Variants in LONP1 observed in about 807,000 individuals in gnomAD.
LONP1 encodes lon protease homolog, mitochondrial.
A neutral mutation model predicts 98.5 loss-of-function variants in LONP1; 31 were observed. That is an observed-to-expected ratio of 0.31 (90% CI 0.24 to 0.42). The LOEUF is 0.42. Among genes scored for constraint, LONP1 ranks in the 20% least tolerant of loss-of-function variants. LONP1 has a pLI of 1.00. For synonymous variants in LONP1, 781 were observed against 594.7 expected (o/e 1.31, Z -4.56); for missense variants, 1,336 against 1,350.6 (o/e 0.99, Z 0.17).
At position 5,720,126 on chromosome 19, in the gene LONP1, C is replaced by T. The variant is rs1411051445; in HGVS notation, c.7G>A (p.Ala3Thr). The change falls in exon 1 of 18, where the codon GCG becomes ACG. Residue 3 changes from alanine to threonine, a missense_variant. Ala to Thr is a moderately conservative substitution (Grantham distance 58). Coordinates refer to ENST00000360614, the MANE Select transcript of LONP1 (RefSeq NM_004793.4). MAASTGYVRLWGA... is the reference protein window; with the variant it reads MATSTGYVRLWGA... The stretch of plus-strand genomic sequence containing the variant: ...CACAGTCGCACGTAGCCAGTGCTCG[C>T]CGCCATAGCCCGGCCATACTGGCGG... 6 of 1,415,066 alleles carry T rather than the reference C, an allele frequency of 4.2e-6. No homozygotes were observed. Among genetic ancestry groups the T allele is most frequent in the Non-Finnish European group, 3.7e-6 (4 of 1,092,922 alleles). 87.7% of individuals were successfully genotyped at this position (1,415,066 alleles called of 1,614,324 possible).
Position 5,713,099 on chromosome 19 carries a change from CCCCCACCTCCCACTGT to C in LONP1, c.638+19_638+34del. 6.2e-7 allele frequency: 1 copy of C among 1,613,136 alleles called. No homozygotes were observed. The highest frequency in any genetic ancestry group is 8.5e-7 in the Non-Finnish European group (1 of 1,179,514). On this transcript the variant is annotated intron_variant, in intron 3 of 17. Transcript: ENST00000360614. ...GGCTGGTCTCCCGCGTGGTACTCTG[CCCCCACCTCCCACTGT>C]CCCCCGCCAGCCACCCACCTTCTGT...
At chr19:5,700,057 G>C (rs1454048416) in intron 9 of LONP1, among the ~76,000 whole-genome samples, 1 of 152,132 alleles carries the variant, frequency 6.6e-6, no homozygotes, top group African/African-American at 2.4e-5. Context: ...TCCCACCTCA[G>C]CCTCCCAAGT....
chr19:5,692,303 G>A (rs903447435), intron 17 of LONP1, 95 bp from the exon 18 acceptor site: 28 of 1,185,488 alleles, frequency 2.4e-5, no homozygotes, highest in African/African-American at 3.1e-5. Flanking sequence ...GGGGACCGGC[G>A]ATACACAGTG....
rs2055403145 is a variant in LONP1 at position 5,719,848 on chromosome 19, G to A, written c.285C>T (p.Gly95=). The change falls in exon 1 of 18, where the codon GGC becomes GGT. Residue 95 remains glycine, a synonymous_variant. Transcript: ENST00000360614. The stretch of plus-strand genomic sequence containing the variant: ...CGGCGCCCGCGCTGCCCCCCGCGCC[G>A]CCGGCTCCTTCCTCCGCGCCGCCCT... ...ASEGGAEEGA[G]GAGGSAGAGE... is the part of the protein sequence containing the mutation. 6.2e-7 allele frequency: 1 copy of A among 1,606,018 alleles called. No homozygotes were observed. The highest frequency in any genetic ancestry group is 8.5e-7 in the Non-Finnish European group (1 of 1,177,086).
Position 5,709,408 on chromosome 19 carries a change from G to T in LONP1, c.871-1005C>A, listed in dbSNP as rs148640801. 5.7e-3 allele frequency among the ~76,000 whole-genome samples: 867 copies of T among 152,182 alleles called. 10 individuals carry two copies. Among genetic ancestry groups the T allele is most frequent in the African/African-American group, 0.02 (827 of 41,512 alleles). On this transcript the variant is annotated intron_variant, in intron 4 of 17. Coordinates refer to ENST00000360614, the MANE Select transcript of LONP1 (RefSeq NM_004793.4). Reference sequence around the variant, plus strand: ...CCCAGCTACTAAGGAGGCCGAGGCAGGAGAATCACTTGAACCCAGGAGGCG... The same window carrying T: ...CCCAGCTACTAAGGAGGCCGAGGCATGAGAATCACTTGAACCCAGGAGGCG...
chr19:5,702,039 G>A (rs915373042), intron 8 of LONP1, among the ~76,000 whole-genome samples: 21 of 148,140 alleles, frequency 1.4e-4, no homozygotes, highest in Non-Finnish European at 2.3e-4. Flanking sequence ...AGTGAGGAGC[G>A]TCTCCGCCCA....
chr19:5,698,685 T>C (rs1030701180), intron 10 of LONP1, among the ~76,000 whole-genome samples: 2 of 152,178 alleles, frequency 1.3e-5, no homozygotes, highest in African/African-American at 4.8e-5. Flanking sequence ...ACAGCCCACA[T>C]AGACCAGCAT....
chr19:5,702,651 C>T (rs1010905585), intron 8 of LONP1, among the ~76,000 whole-genome samples: 3 of 152,208 alleles, frequency 2.0e-5, no homozygotes, highest in African/African-American at 7.2e-5. Flanking sequence ...ACATGAGAGA[C>T]TTTTCATTTT....
intron 1 of LONP1, among the ~76,000 whole-genome samples, chr19:5,715,574 G>A (rs1282238957): frequency 2.4e-4 from 35 of 144,510 alleles, no homozygotes; most frequent in African/African-American, 6.9e-4. Context: ...CCCGGGAGGC[G>A]GAGCATGCAG....
chr19:5,695,589 G>A (rs1430628800), intron 13 of LONP1, among the ~76,000 whole-genome samples: 1 of 152,178 alleles, frequency 6.6e-6, no homozygotes, highest in African/African-American at 2.4e-5. Context: ...CTGTCAAAGG[G>A]CTCCTAGGGG....
Position 5,714,207 on chromosome 19 carries a change from C to A in LONP1, c.494G>T (p.Gly165Val). 1 of 1,613,590 alleles carries A rather than the reference C, an allele frequency of 6.2e-7. No individual in the cohort carries two copies. The highest frequency in any genetic ancestry group is 8.5e-7 in the Non-Finnish European group (1 of 1,179,822). The change falls in exon 2 of 18, where the codon GGC becomes GTC. Residue 165 changes from glycine (G) to valine (V), a missense_variant. This residue lies in a region of LONP1 where 457 missense variants were observed against 403.1 expected (regional missense o/e 1.13). Coordinates refer to ENST00000360614, the MANE Select transcript of LONP1 (RefSeq NM_004793.4). ...RKVRLAQPYV[G>V]VFLKRDDSNE... ...CCTGTCATCTCTCTTTAGAAAGACG[C>A]CGACATAAGGCTGGGCGAGACGAAC...
chr19:5,692,598 C>T (rs2054847274), intron 17 of LONP1, among the ~76,000 whole-genome samples: 3 of 152,266 alleles, frequency 2.0e-5, no homozygotes, highest in Admixed American at 1.3e-4. Context: ...CCCTGCGTCA[C>T]CCCCCTCACC....
chr19:5,713,683 T>C (rs1482203555), intron 2 of LONP1, among the ~76,000 whole-genome samples: 1 of 152,200 alleles, frequency 6.6e-6, no homozygotes, highest in Non-Finnish European at 1.5e-5. Flanking sequence ...TTCCTCAGCC[T>C]CCTGAGTAGC....
chr19:5,719,946 C>T lies in LONP1; in HGVS notation c.187G>A (p.Gly63Ser). The T allele has an allele frequency of 6.4e-7, 1 of 1,566,412 alleles. No homozygotes were observed. The highest frequency in any genetic ancestry group is 8.6e-7 in the Non-Finnish European group (1 of 1,157,768). Reference protein sequence around the residue: ...ALWGRGPAIGGQWRGFWEASS... With the variant: ...ALWGRGPAIGSQWRGFWEASS... ...GCTTCCCAAAACCCCCGCCATTGGC[C>T]CCCAATTGCCGGGCCTCGGCCCCAC... Residue 63 changes from glycine to serine, a missense_variant, in exon 1 of 18, where the codon GGC becomes AGC. Gly to Ser is a moderately conservative substitution (Grantham distance 56). This residue lies in a region of LONP1 where 457 missense variants were observed against 403.1 expected (regional missense o/e 1.13). Coordinates refer to ENST00000360614, the MANE Select transcript of LONP1 (RefSeq NM_004793.4).
In LONP1 at chr19:5,700,809, C is replaced by T. The variant is rs1296975018; in HGVS notation, c.1486G>A (p.Asp496Asn). 3.7e-6 allele frequency: 6 copies of T among 1,614,174 alleles called. No homozygotes were observed. Among genetic ancestry groups the T allele is most frequent in the Non-Finnish European group, 5.1e-6 (6 of 1,180,022 alleles). Residue 496 changes from aspartate to asparagine, a missense_variant, in exon 9 of 18, where the codon GAC becomes AAC. Asp to Asn is a conservative substitution (Grantham distance 23, BLOSUM62 1). This residue lies in a region of LONP1 where 219 missense variants were observed against 241.0 expected (regional missense o/e 0.91). Transcript: ENST00000360614. ...VLEEDHYGMEDVKKRILEFIA... is the reference protein window; with the variant it reads ...VLEEDHYGMENVKKRILEFIA... ...CTCACCAGGATGCGTTTCTTGACGT[C>T]CTCCATGCCGTAGTGGTCTTCCTCC...
chr19:5,692,300 G>GGGCTTCCTGGGGACCC, intron 17 of LONP1, 92 bp from the exon 18 acceptor site: 1 of 1,271,818 alleles, frequency 7.9e-7, no homozygotes, highest in Non-Finnish European at 1.1e-6. Context: ...CCTGGGGACC[G>GGGCTTCCTGGGGACCC]GCGATACACA....
chr19:5,694,180 A>C (rs983895252), intron 15 of LONP1, among the ~76,000 whole-genome samples: 10 of 152,062 alleles, frequency 6.6e-5, no homozygotes. Flanking sequence ...ACCCAAATCC[A>C]TAAGGCCCAT....
intron 1 of LONP1, among the ~76,000 whole-genome samples, chr19:5,716,095 G>T (rs892997473): frequency 6.6e-6 from 1 of 151,398 alleles, no homozygotes; most frequent in African/African-American, 2.4e-5. Context: ...GGCTAGCCTG[G>T]TAATGGTAGC....
chr19:5,694,694 G>T (rs1446222336), intron 14 of LONP1, 67 bp downstream of exon 14: 11 of 1,537,038 alleles, frequency 7.2e-6, no homozygotes, highest in Non-Finnish European at 8.9e-6. Flanking sequence ...GGCATGGAAA[G>T]GTGGGGTGAT....
Sources: gnomAD v4.1 joint callset for allele counts (sites outside exome capture counted in the v4.1 genomes callset) on GRCh38, gnomAD v4.1.1 for gene constraint, gnomAD v4.1.1 regional missense constraint, MANE v1.5 for transcripts, NCBI Gene and HGNC (gene_info 2026-07-23, HGNC 2026-07-21) for gene names.